Variants in DDAH1 observed in about 807,000 individuals in gnomAD.
DDAH1 encodes the protein dimethylarginine dimethylaminohydrolase 1, also known as N(G),N(G)-dimethylarginine dimethylaminohydrolase 1.
A neutral mutation model predicts 28.8 loss-of-function variants in DDAH1; 19 were observed. The ratio of observed to expected loss-of-function variants is 0.66; its 90% CI spans 0.46 to 0.97. The LOEUF (loss-of-function observed/expected upper bound fraction) is 0.97. DDAH1 is among the 50% of genes least tolerant of loss of function. The probability of loss-of-function intolerance (pLI) is 0.00; values close to 1 mark genes in which losing one functional copy is unlikely to be tolerated. For missense variants in DDAH1, 326 were observed against 375.9 expected, an observed-to-expected ratio of 0.87 and a Z score of 1.10; for synonymous variants, 153 against 154.4, an observed-to-expected ratio of 0.99 and a Z score of 0.07.
At chr1:85,468,782 T>G (rs1368542882), upstream of DDAH1, among the ~76,000 whole-genome samples, 2 of 152,184 alleles carry the variant, frequency 1.3e-5, no homozygotes, top group African/African-American at 2.4e-5. Flanking sequence ...CCTCCCAAAG[T>G]GCTGGGATTA....
intron 1 of DDAH1, among the ~76,000 whole-genome samples, chr1:85,545,374 T>A (rs1524004): frequency 6.6e-6 from 1 of 152,110 alleles, no homozygotes; most frequent in Non-Finnish European, 1.5e-5. Context: ...GGTGATAAGA[T>A]GAAGGGAGTA....
intron 2 of DDAH1, among the ~76,000 whole-genome samples, chr1:85,477,497 G>A (rs12023467): frequency 0.02 from 2,986 of 152,066 alleles, 121 homozygotes; most frequent in East Asian, 0.14. Context: ...ATTATCTACC[G>A]AAAATATAAC....
intron 1 of DDAH1, among the ~76,000 whole-genome samples, chr1:85,524,230 T>C (rs367689848): frequency 2.7e-5 from 4 of 150,036 alleles, no homozygotes; most frequent in African/African-American, 7.4e-5. Flanking sequence ...ACAATAATAA[T>C]GAACACTTCT....
intron 1 of DDAH1, among the ~76,000 whole-genome samples, chr1:85,366,730 C>A (rs145359242): frequency 2.7e-3 from 404 of 152,204 alleles, no homozygotes; most frequent in Non-Finnish European, 4.4e-3. Context: ...CAAGATAGGG[C>A]AAACCTAAAA....
At position 85,356,240 on chromosome 1, in the gene DDAH1, G is replaced by A. The variant is rs537317879; in HGVS notation, c.403+2508C>T. Among the ~76,000 whole-genome samples the A allele has an allele frequency of 3.9e-5, 6 of 152,310 alleles. No individual in the cohort carries two copies. In the South Asian group the frequency reaches 8.3e-4, roughly 21 times the overall value. ...TAAATAAAAGTAGAGGTAAGTTGCT[G>A]TCTATTTAAGAGAAATGGTATTGAA... On this transcript the variant is annotated intron_variant, in intron 2 of 5. Transcript: ENST00000284031.
intron 4 of DDAH1, among the ~76,000 whole-genome samples, chr1:85,349,626 C>G (rs79802930): frequency 4.6e-4 from 70 of 152,336 alleles, no homozygotes; most frequent in African/African-American, 1.7e-3. Context: ...AATACCACCT[C>G]TCTCATTCAT....
chr1:85,554,208 TGAAA>T (rs1180397917), intron 1 of DDAH1, among the ~76,000 whole-genome samples: 1 of 151,508 alleles, frequency 6.6e-6, no homozygotes, highest in African/African-American at 2.4e-5. Flanking sequence ...TATTCATGCC[TGAAA>T]GAGAGGCCAG....
At chr1:85,335,249 AG>A (rs1419393007) in intron 4 of DDAH1, among the ~76,000 whole-genome samples, 1 of 152,238 alleles carries the variant, frequency 6.6e-6, no homozygotes, top group Non-Finnish European at 1.5e-5. Context: ...ACTAAATAAC[AG>A]GAATAAGTCC....
chr1:85,462,223 C>T (rs1655153271), intron 1 of DDAH1, among the ~76,000 whole-genome samples: 1 of 152,040 alleles, frequency 6.6e-6, no homozygotes, highest in African/African-American at 2.4e-5. Flanking sequence ...GTCTGGTGAG[C>T]TTCAGTGAAA....
intron 1 of DDAH1, among the ~76,000 whole-genome samples, chr1:85,409,455 A>G (rs1001192218): frequency 8.5e-5 from 13 of 152,212 alleles, no homozygotes; most frequent in African/African-American, 3.1e-4. Context: ...CCTGACATTC[A>G]CAGTCTAACT....
At chr1:85,451,071 G>A (rs955407173) in intron 1 of DDAH1, among the ~76,000 whole-genome samples, 2 of 152,214 alleles carry the variant, frequency 1.3e-5, no homozygotes, top group Admixed American at 6.5e-5. Flanking sequence ...CTGGGTGACT[G>A]GCCCGGCTGC....
In DDAH1 at chr1:85,464,698, G is replaced by T; in HGVS notation, c.303+45C>A. On this transcript the variant is annotated intron_variant, in intron 1 of 5. Transcript: ENST00000284031. The surrounding 1 kb of genome is among the most constrained non-coding windows in gnomAD (Gnocchi z 4.4). ...CAACACGGCGGCCGGCGGCGGGGGA[G>T]GGCCTGGCGCGCGCCCCGGCCGCGC... 2.1e-6 allele frequency: 3 copies of T among 1,430,272 alleles called. No homozygotes were observed. The highest frequency in any genetic ancestry group is 2.7e-6 in the Non-Finnish European group (3 of 1,099,214). 88.6% of individuals were successfully genotyped at this position (1,430,272 alleles called of 1,614,324 possible).
intron 1 of DDAH1, among the ~76,000 whole-genome samples, chr1:85,435,917 AG>A (rs1172214134): frequency 2.6e-5 from 4 of 151,540 alleles, no homozygotes; most frequent in African/African-American, 9.7e-5. Context: ...CAGCCTCCCG[AG>A]TAGCTGGGAC....
At chr1:85,441,033 G>C (rs1442651524) in intron 1 of DDAH1, among the ~76,000 whole-genome samples, 30 of 152,240 alleles carry the variant, frequency 2.0e-4, no homozygotes, top group Admixed American at 2.0e-3. Flanking sequence ...AAAGTGGCAT[G>C]TCAGCCCTGC....
intron 2 of DDAH1, among the ~76,000 whole-genome samples, chr1:85,490,045 G>A (rs764527595): frequency 5.3e-5 from 8 of 152,086 alleles, no homozygotes; most frequent in Non-Finnish European, 8.8e-5. Flanking sequence ...TGGATAAGTG[G>A]AGAAAGATGC....
Position 85,336,422 on chromosome 1 carries a change from A to G in DDAH1, c.598-11539T>C, listed in dbSNP as rs373393646. On this transcript the variant is annotated intron_variant, in intron 4 of 5. Transcript: ENST00000284031. ...TACAAATACATGGAAATTAAACAACATGCTCCTGAATGACTACAAGGTCAA... is the reference window on the plus strand; with the variant it reads ...TACAAATACATGGAAATTAAACAACGTGCTCCTGAATGACTACAAGGTCAA... 2.6e-4 allele frequency among the ~76,000 whole-genome samples: 40 copies of G among 152,254 alleles called. 1 individual carries two copies. In the East Asian group the frequency reaches 3.5e-3, roughly 13 times the overall value.
chr1:85,530,876 A>T (rs1350235107), intron 1 of DDAH1, among the ~76,000 whole-genome samples: 4 of 150,698 alleles, frequency 2.7e-5, no homozygotes, highest in Non-Finnish European at 5.9e-5. Context: ...CTGTAATCCC[A>T]GCTACTTGGG....
chr1:85,577,887 G>T, intron 1 of DDAH1: 1 of 804,488 alleles, frequency 1.2e-6, no homozygotes, highest in Non-Finnish European at 1.5e-6. Flanking sequence ...AGGAAACAAG[G>T]CAGTCCGTTA....
intron 2 of DDAH1, chr1:85,494,540 A>G (rs1356891210): frequency 1.3e-5 from 2 of 152,212 alleles, no homozygotes; most frequent in African/African-American, 2.4e-5. Flanking sequence ...GGGCTGCCTC[A>G]GCAGCTGTCA....
Sources: gnomAD v4.1 joint callset for allele counts (sites outside exome capture counted in the v4.1 genomes callset) on GRCh38, gnomAD v4.1.1 for gene constraint, Gnocchi (gnomAD v3.1) non-coding constraint, MANE v1.5 for transcripts, NCBI Gene and HGNC (gene_info 2026-07-23, HGNC 2026-07-21) for gene names.